The following RASGRF2 variants were observed in gnomAD, a reference collection of about 807,000 sequenced individuals.
RASGRF2 encodes ras-specific guanine nucleotide-releasing factor 2.
Under a neutral mutation model 151.0 loss-of-function variants are expected in RASGRF2, and 76 were observed. The ratio of observed to expected loss-of-function variants is 0.50; its 90% CI spans 0.42 to 0.61. RASGRF2 has a LOEUF of 0.61. Ranked by LOEUF, RASGRF2 falls within the 20% of genes least tolerant of loss-of-function variation. The pLI is 0.00. For missense variants in RASGRF2, 1,148 were observed against 1,564.6 expected, an observed-to-expected ratio of 0.73 and a Z score of 4.49; for synonymous variants, 504 against 566.5, an observed-to-expected ratio of 0.89 and a Z score of 1.57.
chr5:81,003,225 T>TC (rs1462691815), intron 1 of RASGRF2, among the ~76,000 whole-genome samples: 15 of 145,634 alleles, frequency 1.0e-4, no homozygotes, highest in Non-Finnish European at 1.8e-4. Flanking sequence ...TGGCTTTTTT[T>TC]TTTTTTTTTT....
chr5:81,176,994 T>C (rs139264252), intron 17 of RASGRF2, among the ~76,000 whole-genome samples: 25 of 152,252 alleles, frequency 1.6e-4, no homozygotes, highest in Non-Finnish European at 3.5e-4. Flanking sequence ...TATGTGGGCG[T>C]CTCAGTTCCC....
At chr5:81,057,715 C>A (rs556138279) in intron 2 of RASGRF2, among the ~76,000 whole-genome samples, 94 of 152,224 alleles carry the variant, frequency 6.2e-4, no homozygotes, top group African/African-American at 2.1e-3. Flanking sequence ...CTCTCTTCAG[C>A]AGGGCACAGT....
At chr5:81,036,788 C>T (rs1044367778) in intron 1 of RASGRF2, among the ~76,000 whole-genome samples, 1 of 152,112 alleles carries the variant, frequency 6.6e-6, no homozygotes, top group Admixed American at 6.6e-5. Flanking sequence ...ATGTTACATT[C>T]CTGTGTTGGA....
At position 81,123,674 on chromosome 5, in the gene RASGRF2, G is replaced by C. The variant is rs1347204068; in HGVS notation, c.2503G>C (p.Gly835Arg). The change falls in exon 16 of 27, where the codon GGA becomes CGA. Residue 835 changes from glycine to arginine, a missense_variant. Around this residue, in one of 5 missense-constraint regions of RASGRF2, gnomAD observed 646 missense variants for 807.4 expected, o/e 0.80. Coordinates refer to ENST00000265080, the MANE Select transcript of RASGRF2 (RefSeq NM_006909.3). ...VLESAPADRA[G>R]VESSPAADTT... ...AGAGTCTGCACCAGCGGACCGAGCA[G>C]GAGTGGAAAGCTCCCCTGCAGCGGA... is the stretch of plus-strand genomic sequence containing the variant. 1 of 1,614,016 alleles carries C rather than the reference G, an allele frequency of 6.2e-7. No individual in the cohort carries two copies. The highest frequency in any genetic ancestry group is 1.7e-5 in the Admixed American group (1 of 60,004).
chr5:81,052,070 A>G (rs1433416355), intron 2 of RASGRF2, among the ~76,000 whole-genome samples: 1 of 152,168 alleles, frequency 6.6e-6, no homozygotes, highest in Non-Finnish European at 1.5e-5. Flanking sequence ...ATATAGTTGT[A>G]TCTGTATTCT....
At chr5:81,005,755 G>A (rs1749248308) in intron 1 of RASGRF2, among the ~76,000 whole-genome samples, 1 of 152,146 alleles carries the variant, frequency 6.6e-6, no homozygotes, top group African/African-American at 2.4e-5. Context: ...GGTACATACT[G>A]AAGAGTGGAG....
intron 1 of RASGRF2, among the ~76,000 whole-genome samples, chr5:81,027,498 G>T (rs1036282067): frequency 2.0e-5 from 3 of 152,172 alleles, no homozygotes; most frequent in Non-Finnish European, 2.9e-5. Context: ...CCACTTACCT[G>T]TGTTTTGTCT....
chr5:81,000,774 C>G (rs1418086620), intron 1 of RASGRF2, among the ~76,000 whole-genome samples: 2 of 152,198 alleles, frequency 1.3e-5, no homozygotes, highest in Non-Finnish European at 2.9e-5. Flanking sequence ...CTATGCATCT[C>G]TACACGTCAG....
chr5:81,152,885 C>T (rs756977302), intron 17 of RASGRF2, among the ~76,000 whole-genome samples: 1 of 152,156 alleles, frequency 6.6e-6, no homozygotes, highest in Non-Finnish European at 1.5e-5. Flanking sequence ...GCTTTGTTGT[C>T]AGGGGGCACT....
chr5:81,118,723 T>C (rs1753226220), intron 15 of RASGRF2, among the ~76,000 whole-genome samples: 1 of 152,222 alleles, frequency 6.6e-6, no homozygotes, highest in Non-Finnish European at 1.5e-5. Flanking sequence ...AAATTCTGCC[T>C]TTAAACCATT....
intron 1 of RASGRF2, among the ~76,000 whole-genome samples, chr5:80,995,987 C>T (rs1748845077): frequency 2.0e-5 from 3 of 152,030 alleles, no homozygotes; most frequent in Admixed American, 6.6e-5. Context: ...GACACTGCAC[C>T]CAGCCCCAAA....
chr5:81,112,913 G>A (rs561751660), intron 14 of RASGRF2, 55 bp downstream of exon 14: 55 of 1,604,292 alleles, frequency 3.4e-5, no homozygotes, highest in South Asian at 1.0e-4. Context: ...TCTTCGTTCC[G>A]GAGTCACCAT....
intron 12 of RASGRF2, among the ~76,000 whole-genome samples, chr5:81,102,755 C>T (rs1364736763): frequency 6.6e-6 from 1 of 151,132 alleles, no homozygotes; most frequent in Non-Finnish European, 1.5e-5. Flanking sequence ...GACTTATTCA[C>T]ATGGTGTAAA....
At position 81,228,576 on chromosome 5, in the gene RASGRF2, A is replaced by G. The variant is rs1384798598; in HGVS notation, c.*2806A>G. The G allele has an allele frequency of 6.6e-6, 1 of 152,220 alleles. No homozygotes were observed. Among genetic ancestry groups the G allele is most frequent in the Admixed American group, 6.5e-5 (1 of 15,286 alleles). 9.4% of individuals were successfully genotyped at this position (152,220 alleles called of 1,614,324 possible). ...GCCAAGTAGCGAACATGTATACTGT[A>G]AAATTAACCTAGAAAATCAGAAGAA... On this transcript the variant is annotated 3_prime_UTR_variant, in exon 27 of 27. Transcript: ENST00000265080.
At chr5:81,168,848 A>G (rs1259047793) in intron 17 of RASGRF2, among the ~76,000 whole-genome samples, 2 of 152,196 alleles carry the variant, frequency 1.3e-5, no homozygotes, top group Non-Finnish European at 2.9e-5. Flanking sequence ...TCTCAGTGGC[A>G]TTTGACACAG....
At chr5:80,961,508 C>T (rs945724805) in intron 1 of RASGRF2, among the ~76,000 whole-genome samples, 3 of 152,198 alleles carry the variant, frequency 2.0e-5, no homozygotes, top group Non-Finnish European at 4.4e-5. Context: ...ACAAGCGGGG[C>T]TCCCAAGCCG....
intron 1 of RASGRF2, among the ~76,000 whole-genome samples, chr5:80,965,783 C>A (rs987821835): frequency 6.6e-6 from 1 of 152,132 alleles, no homozygotes; most frequent in Non-Finnish European, 1.5e-5. Context: ...TTTTAGCAAG[C>A]AAATGTCAGT....
At chr5:81,062,679 C>G (rs186533968) in intron 2 of RASGRF2, among the ~76,000 whole-genome samples, 15 of 152,294 alleles carry the variant, frequency 9.8e-5, no homozygotes, top group Admixed American at 9.8e-4. Context: ...TTTGGTCCCA[C>G]AGAGAATGAA....
At chr5:81,003,218 CTTTTTTTTTTT>C (rs1271321430) in intron 1 of RASGRF2, among the ~76,000 whole-genome samples, 6 of 97,840 alleles carry the variant, frequency 6.1e-5, no homozygotes, top group African/African-American at 1.2e-4. Flanking sequence ...CCACACCTGG[CTTTTTTTTTTT>C]TTTTTTTTTT....
Sources: allele counts gnomAD v4.1 joint callset (sites outside exome capture counted in the v4.1 genomes callset), GRCh38; gene constraint gnomAD v4.1.1; regional missense constraint gnomAD v4.1.1; transcripts MANE v1.5; gene names NCBI Gene and HGNC (gene_info 2026-07-23, HGNC 2026-07-21).